The following FAM13B variants were observed in gnomAD, a reference collection of about 807,000 sequenced individuals.
The protein encoded by FAM13B is family with sequence similarity 13 member B.
In FAM13B, 60 loss-of-function variants were observed where a neutral mutation model predicts 117.3. The ratio of observed to expected loss-of-function variants is 0.51; its 90% CI spans 0.42 to 0.63. The LOEUF (loss-of-function observed/expected upper bound fraction) is 0.63, where lower values mean the gene tolerates loss of function less well. Among genes scored for constraint, FAM13B ranks in the 30% least tolerant of loss-of-function variants. The pLI is 0.00. For synonymous variants in FAM13B, 332 were observed against 356.1 expected (o/e 0.93, Z 0.76); for missense variants, 972 against 1,091.9 (o/e 0.89, Z 1.55).
chr5:138,030,117 T>C (rs572372970), intron 1 of FAM13B, among the ~76,000 whole-genome samples: 32 of 152,286 alleles, frequency 2.1e-4, no homozygotes, highest in South Asian at 1.9e-3. Flanking sequence ...TCTCCCACGC[T>C]TCCTCCTTCC....
intron 1 of FAM13B, among the ~76,000 whole-genome samples, chr5:138,032,467 G>T (rs1427465677): frequency 6.6e-6 from 1 of 152,210 alleles, no homozygotes; most frequent in Non-Finnish European, 1.5e-5. Flanking sequence ...AAAGAAACGT[G>T]GGGTGTCGCG....
At chr5:138,036,279 C>T (rs1485599529), upstream of FAM13B, 1 of 381,450 alleles carries the variant, frequency 2.6e-6, no homozygotes, top group Non-Finnish European at 5.3e-6. Flanking sequence ...CGAAGGAGAG[C>T]TTTTTTCTCA....
intron 10 of FAM13B, among the ~76,000 whole-genome samples, chr5:137,984,110 A>C (rs1297774855): frequency 6.6e-6 from 1 of 152,212 alleles, no homozygotes; most frequent in Admixed American, 6.5e-5. Flanking sequence ...TTATTACAAC[A>C]ATGTTCCTAG....
intron 1 of FAM13B, among the ~76,000 whole-genome samples, chr5:138,048,533 A>G (rs1414905118): frequency 1.3e-5 from 2 of 152,174 alleles, no homozygotes; most frequent in African/African-American, 2.4e-5. Context: ...GAACCAGCCT[A>G]TGGACCCTCA....
chr5:137,950,431 G>A (rs13183826), intron 17 of FAM13B, among the ~76,000 whole-genome samples: 112,417 of 152,054 alleles, frequency 0.74, 42,211 homozygotes, highest in East Asian at 0.97. Flanking sequence ...TGATAAAATC[G>A]GCCAAGGGCA....
At chr5:138,025,881 T>C (rs1788223675) in intron 1 of FAM13B, among the ~76,000 whole-genome samples, 1 of 152,182 alleles carries the variant, frequency 6.6e-6, no homozygotes, top group Non-Finnish European at 1.5e-5. Flanking sequence ...ACAAATATAC[T>C]ACAGAGCTAT....
intron 6 of FAM13B, among the ~76,000 whole-genome samples, chr5:138,010,555 G>C (rs1783715361): frequency 6.6e-6 from 1 of 152,128 alleles, no homozygotes; most frequent in Admixed American, 6.6e-5. Context: ...TTAATATCCA[G>C]ATGCTTCCCA....
At chr5:137,976,182 CCTGA>C (rs1773937042) in intron 10 of FAM13B, among the ~76,000 whole-genome samples, 1 of 151,958 alleles carries the variant, frequency 6.6e-6, no homozygotes, top group Non-Finnish European at 1.5e-5. Context: ...GTCTCCATCT[CCTGA>C]CTTCGTGATC....
At chr5:137,976,104 C>G (rs1307401681) in intron 10 of FAM13B, among the ~76,000 whole-genome samples, 1 of 151,360 alleles carries the variant, frequency 6.6e-6, no homozygotes. Flanking sequence ...CTACAGGCGC[C>G]TGCCACCACG....
At chr5:137,982,411 G>A (rs955408628) in intron 10 of FAM13B, among the ~76,000 whole-genome samples, 5 of 152,052 alleles carry the variant, frequency 3.3e-5, no homozygotes, top group East Asian at 1.9e-4. Flanking sequence ...AAAATTAGCC[G>A]GGCATGGTGG....
At chr5:137,974,145 C>T (rs1156422651) in intron 10 of FAM13B, among the ~76,000 whole-genome samples, 1 of 150,622 alleles carries the variant, frequency 6.6e-6, no homozygotes, top group Non-Finnish European at 1.5e-5. Context: ...GCTATAAAGA[C>T]ACATGCACAC....
rs538256088 is a variant in FAM13B at position 137,942,929 on chromosome 5, T to C, written c.2534A>G (p.Asn845Ser). ...GAGATCCAGAGCCAGTTTTTCTTGA[T>C]TTTCTTCAACATCAGATTCAGAGTT... ...LENSESDVEE[N>S]QEKLALDLRL... The change falls in exon 22 of 24, where the codon AAT (asparagine) becomes AGT (serine). Residue 845 changes from asparagine to serine, a missense_variant. Transcript: ENST00000689681. The C allele has an allele frequency of 5.0e-6, 8 of 1,613,748 alleles. No individual in the cohort carries two copies. The South Asian group carries it at 8.8e-5, about 18-fold the overall frequency.
chr5:137,938,976 G>A lies in FAM13B; in HGVS notation c.*1249C>T, dbSNP rs1464785550. 1 of 152,166 alleles carries A rather than the reference G, an allele frequency of 6.6e-6. No individual in the cohort carries two copies. Among genetic ancestry groups the A allele is most frequent in the Non-Finnish European group, 1.5e-5 (1 of 68,040 alleles). 9.4% of individuals were successfully genotyped at this position (152,166 alleles called of 1,614,324 possible). A position where few individuals can be genotyped will look rare whatever the true frequency, so the allele number is the denominator to read the frequency against. On this transcript the variant is annotated 3_prime_UTR_variant, in exon 24 of 24. Transcript: ENST00000689681. ...CCTGACCCAAATCTGCTGTTGTACT[G>A]TTAGCACAAATGAAGTCACCATTCT...
chr5:138,039,630 A>C lies in FAM13B; in HGVS notation c.-203+12248T>G, dbSNP rs534427831. 311 of 138,620 alleles carry C rather than the reference A, an allele frequency of 2.2e-3. 4 individuals carry two copies. The highest frequency in any genetic ancestry group is 8.1e-3 in the African/African-American group (293 of 36,294). 8.6% of individuals were successfully genotyped at this position (138,620 alleles called of 1,614,324 possible). A position where few individuals can be genotyped will look rare whatever the true frequency, so the allele number is the denominator to read the frequency against. ...TTTTTTTTTTTCTTAGAGACGTATT[A>C]TCACTACATTGCCCAGGGTGGCCTC... On this transcript the variant is annotated intron_variant, in intron 1 of 3. Coordinates refer to the FAM13B transcript ENST00000502471.
At chr5:138,028,479 A>G (rs1789025577) in intron 1 of FAM13B, among the ~76,000 whole-genome samples, 2 of 151,932 alleles carry the variant, frequency 1.3e-5, no homozygotes, top group Admixed American at 6.6e-5. Flanking sequence ...TTTTGCACAG[A>G]CTTGTATAAA....
In FAM13B at chr5:138,018,856, T is replaced by C. The variant is rs1275133156; in HGVS notation, c.157+99A>G. On this transcript the variant is annotated intron_variant, in intron 3 of 23. Transcript: ENST00000689681. ...TTCTAGTTTTTCCTATGTTTTGGAC[T>C]TTCCATATTAAAAAAAAAAATTAAA... 4 of 962,288 alleles carry C rather than the reference T, an allele frequency of 4.2e-6. No homozygotes were observed. In the Admixed American group the frequency reaches 1.1e-4, roughly 26 times the overall value. 59.6% of individuals were successfully genotyped at this position (962,288 alleles called of 1,614,324 possible). A position where few individuals can be genotyped will look rare whatever the true frequency, so the allele number is the denominator to read the frequency against.
rs908548212 is a variant in FAM13B, at chr5:137,976,146, G to A, written c.1179+9111C>T. On this transcript the variant is annotated intron_variant, in intron 10 of 23. Transcript: ENST00000689681. Reference sequence around the variant, plus strand: ...TAATTTTTCGTATTTTTGTAGAGATGGGGTTTCACCATGTTAGCCAGGATG... The same window carrying A: ...TAATTTTTCGTATTTTTGTAGAGATAGGGTTTCACCATGTTAGCCAGGATG... Among the ~76,000 whole-genome samples, 7 of 151,832 alleles carry A rather than the reference G, an allele frequency of 4.6e-5. No individual in the cohort carries two copies. In the East Asian group the frequency reaches 5.8e-4, roughly 13 times the overall value.
At chr5:137,946,594 C>T (rs556887127) in intron 18 of FAM13B, among the ~76,000 whole-genome samples, 3 of 152,240 alleles carry the variant, frequency 2.0e-5, no homozygotes, top group African/African-American at 7.2e-5. Flanking sequence ...ATTACCTAAC[C>T]TCTTTGTATT....
In FAM13B at chr5:137,939,981, A is replaced by T; in HGVS notation, c.*244T>A. Reference sequence around the variant, plus strand: ...TATCTGTAGTACAAAACAATGAAGTAAACCATATGTTTGCTAAAGGTGGAG... The same window carrying T: ...TATCTGTAGTACAAAACAATGAAGTTAACCATATGTTTGCTAAAGGTGGAG... On this transcript the variant is annotated 3_prime_UTR_variant, in exon 24 of 24. Transcript: ENST00000689681. The T allele has an allele frequency of 6.4e-7, 1 of 1,551,420 alleles. No individual in the cohort carries two copies. The highest frequency in any genetic ancestry group is 8.7e-7 in the Non-Finnish European group (1 of 1,149,884).
Sources: gnomAD v4.1 joint callset for allele counts (sites outside exome capture counted in the v4.1 genomes callset) on GRCh38, gnomAD v4.1.1 for gene constraint, MANE v1.5 for transcripts, NCBI Gene and HGNC (gene_info 2026-07-23, HGNC 2026-07-21) for gene names.